Variants in MAPRE2 observed in about 807,000 individuals in gnomAD.
MAPRE2 encodes microtubule-associated protein RP/EB family member 2.
A neutral mutation model predicts 43.2 loss-of-function variants in MAPRE2; 13 were observed. That is an observed-to-expected ratio of 0.30 (90% CI 0.20 to 0.48). MAPRE2 has a LOEUF of 0.48. MAPRE2 is among the 20% of genes least tolerant of loss of function. The pLI is 0.99. For synonymous variants in MAPRE2, 135 were observed against 148.8 expected, an observed-to-expected ratio of 0.91 and a Z score of 0.68; for missense variants, 161 against 400.2, an observed-to-expected ratio of 0.40 and a Z score of 5.10.
chr18:35,053,010 A>G (rs2920479), intron 1 of MAPRE2, among the ~76,000 whole-genome samples: 716 of 42,748 alleles, frequency 0.017, 11 homozygotes, highest in South Asian at 0.067. Context: ...AGTCCCCCCC[A>G]CACACACACA....
At chr18:35,057,162 A>C (rs1055969419) in intron 1 of MAPRE2, among the ~76,000 whole-genome samples, 1 of 152,056 alleles carries the variant, frequency 6.6e-6, no homozygotes, top group African/African-American at 2.4e-5. Flanking sequence ...TTACAGACAC[A>C]TGCCAACATG....
intron 2 of MAPRE2, among the ~76,000 whole-genome samples, chr18:35,024,701 T>C (rs1374588325): frequency 6.6e-6 from 1 of 152,182 alleles, no homozygotes; most frequent in Non-Finnish European, 1.5e-5. Context: ...AATTTAGAAA[T>C]AGACCTTTTC....
chr18:35,107,307 G>A (rs1908954652), intron 4 of MAPRE2, among the ~76,000 whole-genome samples: 1 of 152,092 alleles, frequency 6.6e-6, no homozygotes, highest in Non-Finnish European at 1.5e-5. Flanking sequence ...TAAATCCTAA[G>A]GTGTTTTTCA....
intron 6 of MAPRE2, among the ~76,000 whole-genome samples, chr18:35,134,167 G>A (rs541771354): frequency 1.3e-5 from 2 of 152,280 alleles, no homozygotes; most frequent in Admixed American, 6.5e-5. Flanking sequence ...GGTAGCTATT[G>A]TCATCCCATT....
intron 2 of MAPRE2, among the ~76,000 whole-genome samples, chr18:35,093,280 G>A (rs1454171042): frequency 6.7e-6 from 1 of 150,118 alleles, no homozygotes; most frequent in Non-Finnish European, 1.5e-5. Flanking sequence ...TTGTTGGCAT[G>A]GATTTGGAGA....
chr18:35,015,743 C>A lies in MAPRE2; in HGVS notation c.-8+10190C>A, dbSNP rs557409192. On this transcript the variant is annotated intron_variant, in intron 2 of 7. Transcript: ENST00000413393. ...CTTTCTACAGTTGTCAGATCATGAA[C>A]AAAAATTCAGAACAAACCCCAATAA... is the stretch of plus-strand genomic sequence containing the variant. Among the ~76,000 whole-genome samples, 203 of 150,738 alleles carry A rather than the reference C, an allele frequency of 1.3e-3. 2 individuals carry two copies. The highest frequency in any genetic ancestry group is 4.6e-3 in the African/African-American group (188 of 40,980).
At chr18:35,044,163 A>C (rs928448840) in intron 1 of MAPRE2, among the ~76,000 whole-genome samples, 2 of 151,128 alleles carry the variant, frequency 1.3e-5, no homozygotes, top group African/African-American at 4.8e-5. Context: ...GATCAGAGGG[A>C]ATTCTTTCCC....
intron 2 of MAPRE2, among the ~76,000 whole-genome samples, chr18:35,075,349 C>G (rs555571348): frequency 6.6e-6 from 1 of 152,256 alleles, no homozygotes; most frequent in African/African-American, 2.4e-5. Context: ...TGATCCCAGC[C>G]TCGTGTGTTG....
At chr18:35,070,099 C>A (rs1907032879) in intron 1 of MAPRE2, 96 bp from the exon 2 acceptor site, 2 of 1,015,466 alleles carry the variant, frequency 2.0e-6, no homozygotes, top group Non-Finnish European at 1.4e-6. Context: ...CTTTTACATG[C>A]CCTGGAGTCC....
chr18:35,102,219 C>T (rs1233878883), intron 4 of MAPRE2, 60 bp downstream of exon 4: 1 of 1,206,848 alleles, frequency 8.3e-7, no homozygotes, highest in East Asian at 2.5e-5. Flanking sequence ...TCAGACCCTT[C>T]TGTTATTTAC....
At position 35,089,804 on chromosome 18, in the gene MAPRE2, T is replaced by C. The variant is rs114112465; in HGVS notation, c.251-7642T>C. 6.4e-3 allele frequency among the ~76,000 whole-genome samples: 978 copies of C among 152,310 alleles called. 8 individuals are homozygous for C. Among genetic ancestry groups the C allele is most frequent in the African/African-American group, 0.023 (943 of 41,586 alleles). On this transcript the variant is annotated intron_variant, in intron 2 of 6. Coordinates refer to ENST00000300249, the MANE Select transcript of MAPRE2 (RefSeq NM_014268.4). ...AATCCTAGGTATACTGCCAAGAGAA[T>C]TGAAAACATGTCCATGAAAAAACTT... is the stretch of plus-strand genomic sequence containing the variant.
chr18:35,132,758 CT>C (rs1349506019), intron 6 of MAPRE2, among the ~76,000 whole-genome samples: 1 of 152,162 alleles, frequency 6.6e-6, no homozygotes, highest in Non-Finnish European at 1.5e-5. Context: ...TTCACAAGTG[CT>C]GATGGAGACC....
At chr18:35,029,222 A>G (rs978574717) in intron 2 of MAPRE2, among the ~76,000 whole-genome samples, 24 of 152,062 alleles carry the variant, frequency 1.6e-4, no homozygotes, top group African/African-American at 5.8e-4. Flanking sequence ...AGCTGCTTTA[A>G]TTTTCTTTTT....
At chr18:35,057,690 A>G (rs184500151) in intron 1 of MAPRE2, among the ~76,000 whole-genome samples, 1 of 152,300 alleles carries the variant, frequency 6.6e-6, no homozygotes, top group Non-Finnish European at 1.5e-5. Flanking sequence ...TTGCCCAAAC[A>G]AGAGTACCAG....
chr18:35,010,039 T>G lies in MAPRE2; in HGVS notation c.-8+4486T>G, dbSNP rs139339595. ...CCCTTGTATAATAAAAGCAATAAGA[T>G]AAATTTTACCCATCTCACACCACAG... On this transcript the variant is annotated intron_variant, in intron 2 of 7. Coordinates refer to the MAPRE2 transcript ENST00000413393. Among the ~76,000 whole-genome samples the G allele has an allele frequency of 3.1e-4, 47 of 152,264 alleles. 1 individual carries two copies. In the East Asian group the frequency reaches 8.5e-3, roughly 27 times the overall value.
At chr18:35,081,181 C>T (rs143467513) in intron 2 of MAPRE2, among the ~76,000 whole-genome samples, 2 of 152,212 alleles carry the variant, frequency 1.3e-5, no homozygotes, top group Admixed American at 6.5e-5. Flanking sequence ...ATTTAAAAAC[C>T]TCACAGAAAT....
At chr18:35,035,164 A>G (rs1476923710) in intron 2 of MAPRE2, among the ~76,000 whole-genome samples, 1 of 152,018 alleles carries the variant, frequency 6.6e-6, no homozygotes, top group African/African-American at 2.4e-5. Flanking sequence ...CATATACACC[A>G]TGGAATACTA....
chr18:35,140,152 G>T, intron 6 of MAPRE2, 143 bp from the exon 7 acceptor site: 1 of 666,820 alleles, frequency 1.5e-6, no homozygotes, highest in Non-Finnish European at 2.6e-6. Flanking sequence ...GCTGGGAGAC[G>T]TTTGCATGGC....
At chr18:35,117,258 G>A (rs145858990) in intron 4 of MAPRE2, among the ~76,000 whole-genome samples, 12 of 152,310 alleles carry the variant, frequency 7.9e-5, no homozygotes, top group East Asian at 1.9e-4. Flanking sequence ...GGGGCTCACC[G>A]CGGAGTTCTC....
Sources: allele counts gnomAD v4.1 joint callset (sites outside exome capture counted in the v4.1 genomes callset), GRCh38; gene constraint gnomAD v4.1.1; transcripts MANE v1.5; gene names NCBI Gene and HGNC (gene_info 2026-07-23, HGNC 2026-07-21).